FBXL7: variants seen among roughly 807,000 people sequenced by gnomAD.
FBXL7 encodes the protein F-box and leucine rich repeat protein 7.
FBXL7 carries 12 observed loss-of-function variants against 38.3 expected under a neutral mutation model. The ratio of observed to expected loss-of-function variants is 0.31; its 90% confidence interval spans 0.20 to 0.51. The LOEUF is 0.51. Among genes scored for constraint, FBXL7 ranks in the 20% least tolerant of loss-of-function variants. The probability of loss-of-function intolerance (pLI) is 0.98; values close to 1 mark genes in which losing one functional copy is unlikely to be tolerated. For missense variants in FBXL7, 567 were observed against 676.4 expected, an observed-to-expected ratio of 0.84 and a Z score of 1.79; for synonymous variants, 297 against 300.9, an observed-to-expected ratio of 0.99 and a Z score of 0.13.
chr5:15,935,302 A>C, intron 3 of FBXL7: 1 of 493,726 alleles, frequency 2.0e-6, no homozygotes, highest in Non-Finnish European at 4.1e-6. Flanking sequence ...CCTCGGGCAG[A>C]TAGGGGTGTG....
chr5:15,583,059 G>C (rs1292157113), intron 1 of FBXL7, among the ~76,000 whole-genome samples: 1 of 152,062 alleles, frequency 6.6e-6, no homozygotes, highest in Non-Finnish European at 1.5e-5. Flanking sequence ...AGTATGGCTG[G>C]AGAGGCCTCA....
chr5:15,857,680 G>A (rs1375365260), intron 2 of FBXL7, among the ~76,000 whole-genome samples: 1 of 152,184 alleles, frequency 6.6e-6, no homozygotes, highest in Non-Finnish European at 1.5e-5. Flanking sequence ...AGTAGTGAAT[G>A]TTTTCTTGTG....
intron 2 of FBXL7, among the ~76,000 whole-genome samples, chr5:15,684,332 G>A (rs1022932892): frequency 6.6e-6 from 1 of 152,178 alleles, no homozygotes; most frequent in Non-Finnish European, 1.5e-5. Context: ...TAGGTAAGAG[G>A]TATGTGGTCC....
intron 1 of FBXL7, among the ~76,000 whole-genome samples, chr5:15,586,010 G>C (rs1279498656): frequency 6.6e-6 from 1 of 152,232 alleles, no homozygotes; most frequent in African/African-American, 2.4e-5. Flanking sequence ...CCTGGAGCCA[G>C]TCTCCTTAGT....
intron 2 of FBXL7, among the ~76,000 whole-genome samples, chr5:15,897,625 C>A (rs1357782802): frequency 6.6e-6 from 1 of 152,132 alleles, no homozygotes; most frequent in Non-Finnish European, 1.5e-5. Context: ...GAGGGGACAA[C>A]ATGAGTAGTG....
intron 2 of FBXL7, among the ~76,000 whole-genome samples, chr5:15,757,197 G>GGA (rs137948822): frequency 3.3e-5 from 5 of 151,718 alleles, no homozygotes; most frequent in African/African-American, 9.7e-5. Context: ...TCCTTTCATA[G>GGA]GAGAGAGAGA....
chr5:15,818,843 C>A (rs774320391), intron 2 of FBXL7, among the ~76,000 whole-genome samples: 3 of 151,678 alleles, frequency 2.0e-5, no homozygotes, highest in Non-Finnish European at 4.4e-5. Context: ...CTGAAATTAG[C>A]CATTTTCCTC....
At chr5:15,735,717 C>T (rs1579419781) in intron 2 of FBXL7, among the ~76,000 whole-genome samples, 1 of 152,138 alleles carries the variant, frequency 6.6e-6, no homozygotes, top group East Asian at 1.9e-4. Context: ...GAGAGAAGGG[C>T]TTAGAGCAGA....
At chr5:15,672,355 C>T (rs956189364) in intron 2 of FBXL7, among the ~76,000 whole-genome samples, 2 of 152,072 alleles carry the variant, frequency 1.3e-5, no homozygotes, top group Admixed American at 6.6e-5. Flanking sequence ...ATATCCTCAA[C>T]GTTTATTTTA....
chr5:15,751,698 A>G (rs1413046281), intron 2 of FBXL7, among the ~76,000 whole-genome samples: 1 of 152,218 alleles, frequency 6.6e-6, no homozygotes, highest in African/African-American at 2.4e-5. Context: ...TTAATAATAT[A>G]TGTCAAAGGG....
intron 1 of FBXL7, among the ~76,000 whole-genome samples, chr5:15,553,067 T>A: frequency 7.3e-6 from 1 of 137,890 alleles, no homozygotes; most frequent in Admixed American, 7.5e-5. Context: ...GGCGACAGAG[T>A]AAGACTCCAT....
intron 2 of FBXL7, among the ~76,000 whole-genome samples, chr5:15,768,156 T>C (rs1000369761): frequency 6.6e-6 from 1 of 152,222 alleles, no homozygotes; most frequent in Admixed American, 6.5e-5. Flanking sequence ...GATGTTGTTT[T>C]TTCCCATGTG....
At chr5:15,846,393 C>A (rs1438250401) in intron 2 of FBXL7, among the ~76,000 whole-genome samples, 1 of 152,160 alleles carries the variant, frequency 6.6e-6, no homozygotes, top group African/African-American at 2.4e-5. Flanking sequence ...GTCACAAAAT[C>A]TCTTAAATAT....
At chr5:15,885,912 G>A (rs1740657427) in intron 2 of FBXL7, among the ~76,000 whole-genome samples, 1 of 151,762 alleles carries the variant, frequency 6.6e-6, no homozygotes, top group African/African-American at 2.4e-5. Flanking sequence ...GTAGAGACGA[G>A]GTTTCACCGT....
intron 1 of FBXL7, among the ~76,000 whole-genome samples, chr5:15,536,179 C>T (rs1737576683): frequency 6.6e-6 from 1 of 152,250 alleles, no homozygotes; most frequent in African/African-American, 2.4e-5. Flanking sequence ...GTCTGGATGT[C>T]CAGGCAGAAG....
intron 2 of FBXL7, among the ~76,000 whole-genome samples, chr5:15,653,105 G>A (rs1741767143): frequency 6.6e-6 from 1 of 152,134 alleles, no homozygotes; most frequent in Admixed American, 6.5e-5. Flanking sequence ...TTGTGGTGCT[G>A]CAAAACAATT....
chr5:15,644,538 CAGAGAG>C (rs113093652), intron 2 of FBXL7, among the ~76,000 whole-genome samples: 1 of 149,978 alleles, frequency 6.7e-6, no homozygotes, highest in South Asian at 2.1e-4. Flanking sequence ...GGTGGGGGGA[CAGAGAG>C]AGAGAGAGAG....
chr5:15,503,358 T>C (rs1295879161), intron 1 of FBXL7, among the ~76,000 whole-genome samples: 2 of 151,994 alleles, frequency 1.3e-5, no homozygotes, highest in Admixed American at 1.3e-4. Flanking sequence ...GAGGCGGAGG[T>C]TGCAGTAAGC....
At chr5:15,831,937 C>T (rs1275299339) in intron 2 of FBXL7, among the ~76,000 whole-genome samples, 1 of 152,148 alleles carries the variant, frequency 6.6e-6, no homozygotes, top group Non-Finnish European at 1.5e-5. Context: ...CTCAAGCCCT[C>T]TTCCAAGGAT....
Sources: allele counts gnomAD v4.1 joint callset (sites outside exome capture counted in the v4.1 genomes callset), GRCh38; gene constraint gnomAD v4.1.1; transcripts MANE v1.5; gene names NCBI Gene and HGNC (gene_info 2026-07-23, HGNC 2026-07-21).